Variants in KCNIP4 observed in about 807,000 individuals in gnomAD.
The protein encoded by KCNIP4 is Kv channel-interacting protein 4.
KCNIP4 carries 12 observed loss-of-function variants against 34.0 expected under a neutral mutation model. The observed-to-expected ratio is 0.35, with a 90% confidence interval of 0.23 to 0.57. The LOEUF (loss-of-function observed/expected upper bound fraction) is 0.57. KCNIP4 is among the 20% of genes least tolerant of loss of function. The probability of loss-of-function intolerance (pLI) is 0.83; values close to 1 mark genes in which losing one functional copy is unlikely to be tolerated. For synonymous variants in KCNIP4, 124 were observed against 102.2 expected (o/e 1.21, Z -1.29); for missense variants, 238 against 311.7 (o/e 0.76, Z 1.78).
Position 21,095,429 on chromosome 4 carries a change from C to T in KCNIP4, c.62-212720G>A, listed in dbSNP as rs73245230. ...CACTCCACTTAACCTCTTTTTTGCC[C>T]GTCTCATTCTTATCAGTCACTCTAG... On this transcript the variant is annotated intron_variant, in intron 1 of 8. Transcript: ENST00000382152. Among the ~76,000 whole-genome samples, 1,339 of 152,050 alleles carry T rather than the reference C, an allele frequency of 8.8e-3. 7 individuals are homozygous for T. Among genetic ancestry groups the T allele is most frequent in the African/African-American group, 0.012 (513 of 41,480 alleles).
rs369480335 is a variant in KCNIP4, at chr4:21,443,922, A to G, written c.61+504649T>C. Reference sequence around the variant, plus strand: ...TCGAGCCTGGAATCAAACAGACACAATAAAAAATGATAAAGGGGATATCAC... The same window carrying G: ...TCGAGCCTGGAATCAAACAGACACAGTAAAAAATGATAAAGGGGATATCAC... On this transcript the variant is annotated intron_variant, in intron 1 of 8. Transcript: ENST00000382152. 2.1e-4 allele frequency among the ~76,000 whole-genome samples: 32 copies of G among 152,210 alleles called. 2 individuals carry two copies. In the South Asian group the frequency reaches 6.6e-3, roughly 32 times the overall value.
At chr4:21,558,612 G>T (rs909774612) in intron 1 of KCNIP4, among the ~76,000 whole-genome samples, 1 of 152,048 alleles carries the variant, frequency 6.6e-6, no homozygotes, top group Non-Finnish European at 1.5e-5. Context: ...TCTCATTAGA[G>T]AGTTCTGTCA....
At chr4:21,178,849 AT>A (rs1754637756) in intron 1 of KCNIP4, among the ~76,000 whole-genome samples, 1 of 134,598 alleles carries the variant, frequency 7.4e-6, no homozygotes, top group Non-Finnish European at 1.5e-5. Context: ...TGAGTGTCTC[AT>A]TCATTGCTCA....
intron 1 of KCNIP4, among the ~76,000 whole-genome samples, chr4:21,871,986 G>A (rs377422610): frequency 5.9e-5 from 9 of 152,030 alleles, no homozygotes; most frequent in Admixed American, 3.9e-4. Context: ...CTGCCTTACC[G>A]TTTTAACAAG....
chr4:21,798,404 C>CATATATATATATATATATATATATAT lies in KCNIP4; in HGVS notation c.61+150166_61+150167insATATATATATATATATATATATATAT, dbSNP rs112991875. On this transcript the variant is annotated intron_variant, in intron 1 of 8. Coordinates refer to ENST00000382152, the MANE Select transcript of KCNIP4 (RefSeq NM_025221.6). The stretch of plus-strand genomic sequence containing the variant: ...CCGTTTCCACACACACAAAAAAATA[C>CATATATATATATATATATATATATAT]ATATATATATATATATATATATTTG... 4.5e-4 allele frequency among the ~76,000 whole-genome samples: 58 copies of CATATATATATATATATATATATATAT among 129,660 alleles called. No individual in the cohort carries two copies. The East Asian group carries it at 9.6e-3, about 22-fold the overall frequency. The allele number at this position is 129,660 out of a possible 152,430, so 85.1% of individuals were successfully genotyped here. A position where few individuals can be genotyped will look rare whatever the true frequency, so the allele number is the denominator to read the frequency against.
intron 1 of KCNIP4, among the ~76,000 whole-genome samples, chr4:21,786,994 C>T (rs1194382659): frequency 1.3e-5 from 2 of 152,070 alleles, no homozygotes; most frequent in Non-Finnish European, 2.9e-5. Context: ...AGTGATAAAA[C>T]GAGATAAATA....
At chr4:21,320,964 T>TTAAAAAAAAAAAAAAAAA (rs1553860312) in intron 1 of KCNIP4, among the ~76,000 whole-genome samples, 2 of 102,918 alleles carry the variant, frequency 1.9e-5, no homozygotes, top group Non-Finnish European at 3.7e-5. Context: ...GAATCTGTCT[T>TTAAAAAAAAAAAAAAAAA]AAAAAAAAAA....
intron 1 of KCNIP4, among the ~76,000 whole-genome samples, chr4:21,405,902 C>T (rs1723942104): frequency 6.6e-6 from 1 of 152,208 alleles, no homozygotes; most frequent in African/African-American, 2.4e-5. Flanking sequence ...ATGGCGCGAT[C>T]TTGGCTCACT....
intron 1 of KCNIP4, among the ~76,000 whole-genome samples, chr4:21,565,786 A>T (rs1206295942): frequency 6.6e-6 from 1 of 152,154 alleles, no homozygotes; most frequent in Non-Finnish European, 1.5e-5. Context: ...ACTCATAGAA[A>T]AATGAGGAGT....
At chr4:21,906,967 G>A (rs1433916209) in intron 1 of KCNIP4, among the ~76,000 whole-genome samples, 8 of 152,090 alleles carry the variant, frequency 5.3e-5, no homozygotes, top group African/African-American at 4.8e-5. Context: ...TTTGATACAC[G>A]AAGCTTTAGT....
chr4:21,826,338 C>T (rs997690220), intron 1 of KCNIP4, among the ~76,000 whole-genome samples: 8 of 152,138 alleles, frequency 5.3e-5, no homozygotes, highest in Admixed American at 3.3e-4. Flanking sequence ...AAACTGACTA[C>T]TAAATGAGTA....
chr4:21,482,000 T>C (rs13122807), intron 1 of KCNIP4, among the ~76,000 whole-genome samples: 18,945 of 152,076 alleles, frequency 0.12, 1,334 homozygotes, highest in South Asian at 0.21. Context: ...GCTCCTGTAT[T>C]GGGTGCATAT....
intron 1 of KCNIP4, among the ~76,000 whole-genome samples, chr4:21,268,634 A>G (rs1410698353): frequency 2.6e-5 from 4 of 152,208 alleles, no homozygotes; most frequent in Non-Finnish European, 5.9e-5. Flanking sequence ...TCAACACTTC[A>G]AGGGGCAGAG....
chr4:20,995,681 CT>C (rs771917433), intron 1 of KCNIP4, among the ~76,000 whole-genome samples: 14 of 152,200 alleles, frequency 9.2e-5, no homozygotes, highest in Admixed American at 7.9e-4. Flanking sequence ...TATACTTCAT[CT>C]GTTTGACAAG....
chr4:20,826,455 C>T (rs553018239), intron 3 of KCNIP4, among the ~76,000 whole-genome samples: 19 of 151,488 alleles, frequency 1.3e-4, no homozygotes, highest in Admixed American at 3.3e-4. Context: ...CATGGTGGCA[C>T]ACACCTGTAG....
chr4:21,517,545 G>A (rs1734863646), intron 1 of KCNIP4, among the ~76,000 whole-genome samples: 1 of 152,126 alleles, frequency 6.6e-6, no homozygotes, highest in Admixed American at 6.5e-5. Context: ...TTGTGTTTAT[G>A]CTCCAATGAA....
chr4:21,473,069 T>A (rs559922808), intron 1 of KCNIP4, among the ~76,000 whole-genome samples: 14 of 152,170 alleles, frequency 9.2e-5, no homozygotes, highest in Admixed American at 2.0e-4. Context: ...CCTGATCTCT[T>A]TCTTTCTGAC....
intron 1 of KCNIP4, among the ~76,000 whole-genome samples, chr4:21,815,969 C>T (rs1450860526): frequency 6.6e-6 from 1 of 152,126 alleles, no homozygotes; most frequent in Non-Finnish European, 1.5e-5. Flanking sequence ...AGTTCAATTT[C>T]ATCTTTGTGG....
chr4:21,868,045 C>A (rs1215336861), intron 1 of KCNIP4, among the ~76,000 whole-genome samples: 1 of 152,084 alleles, frequency 6.6e-6, no homozygotes, highest in African/African-American at 2.4e-5. Flanking sequence ...ATTTGCCGAC[C>A]TAGAAGTCTT....
Sources: gnomAD v4.1 joint callset for allele counts (sites outside exome capture counted in the v4.1 genomes callset) on GRCh38, gnomAD v4.1.1 for gene constraint, MANE v1.5 for transcripts, NCBI Gene and HGNC (gene_info 2026-07-23, HGNC 2026-07-21) for gene names.